The following BMAL2 variants were observed in gnomAD, a reference collection of about 807,000 sequenced individuals.
The protein encoded by BMAL2 is basic helix-loop-helix ARNT like 2, also known as basic helix-loop-helix ARNT-like protein 2.
the BMAL2 span, chr12:27,423,638 C>CT: frequency 1.3e-5 from 2 of 152,160 alleles, no homozygotes; most frequent in Non-Finnish European, 2.9e-5. Context: ...CTACTCTACA[C>CT]TTTTTTTAAC....
chr12:27,393,730 A>G, the BMAL2 span, among the ~76,000 whole-genome samples: 1 of 152,282 alleles, frequency 6.6e-6, no homozygotes, highest in African/African-American at 2.4e-5. Context: ...AGTGTGTACT[A>G]TGTGCCAGGT....
the BMAL2 span, chr12:27,389,160 A>G: frequency 6.8e-7 from 1 of 1,469,658 alleles, no homozygotes; most frequent in Non-Finnish European, 9.5e-7. Context: ...TTTTAAATGA[A>G]TGTCTACCTT....
chr12:27,403,583 T>C, the BMAL2 span: 5 of 1,262,086 alleles, frequency 4.0e-6, no homozygotes, highest in African/African-American at 1.5e-5. Flanking sequence ...AGTAAAAATA[T>C]CATATTTATA....
the BMAL2 span, among the ~76,000 whole-genome samples, chr12:27,362,941 C>T: frequency 1.6e-4 from 24 of 152,062 alleles, no homozygotes; most frequent in Non-Finnish European, 2.8e-4. Flanking sequence ...GTAGCTAAGA[C>T]TATATGTGCA....
the BMAL2 span, among the ~76,000 whole-genome samples, chr12:27,405,969 G>A: frequency 1.3e-5 from 2 of 152,316 alleles, no homozygotes; most frequent in South Asian, 2.1e-4. Context: ...TAGCCAATTC[G>A]ATCAACTGGA....
At chr12:27,415,786 A>T in the BMAL2 span, 1 of 892,582 alleles carries the variant, frequency 1.1e-6, no homozygotes, top group Non-Finnish European at 1.8e-6. Context: ...TATTTTTATT[A>T]GTAGATTATT....
chr12:27,407,272 C>T, the BMAL2 span, among the ~76,000 whole-genome samples: 14 of 152,202 alleles, frequency 9.2e-5, no homozygotes, highest in African/African-American at 3.1e-4. Context: ...CTCTCTGCCC[C>T]GAATCAACAG....
the BMAL2 span, among the ~76,000 whole-genome samples, chr12:27,333,390 G>T: frequency 5.9e-5 from 9 of 152,212 alleles, no homozygotes; most frequent in Non-Finnish European, 1.2e-4. Flanking sequence ...CGGGCCGGGC[G>T]CATTGGCGAA....
chr12:27,377,242 G>C, the BMAL2 span, among the ~76,000 whole-genome samples: 1 of 152,204 alleles, frequency 6.6e-6, no homozygotes, highest in South Asian at 2.1e-4. Flanking sequence ...GAAGTATTAA[G>C]CAGAGAGCTA....
chr12:27,390,144 A>G, the BMAL2 span: 20 of 1,613,952 alleles, frequency 1.2e-5, no homozygotes, highest in Non-Finnish European at 1.6e-5. Context: ...ACACGTGTGT[A>G]TTCTGGCTCA....
chr12:27,384,858 G>T, the BMAL2 span, among the ~76,000 whole-genome samples: 2 of 151,188 alleles, frequency 1.3e-5, no homozygotes, highest in African/African-American at 4.9e-5. Context: ...CACAGCTAAC[G>T]GGGGACTACT....
At chr12:27,372,475 A>C in the BMAL2 span, among the ~76,000 whole-genome samples, 1 of 152,156 alleles carries the variant, frequency 6.6e-6, no homozygotes. Context: ...ATTGATGTAC[A>C]AATACCCGTT....
the BMAL2 span, among the ~76,000 whole-genome samples, chr12:27,354,281 G>A: frequency 6.6e-6 from 1 of 152,278 alleles, no homozygotes; most frequent in Non-Finnish European, 1.5e-5. Flanking sequence ...CACGGATGGA[G>A]CTGGAGGTTA....
At chr12:27,364,432 T>A in the BMAL2 span, among the ~76,000 whole-genome samples, 1 of 152,210 alleles carries the variant, frequency 6.6e-6, no homozygotes, top group African/African-American at 2.4e-5. Flanking sequence ...ATTAAAAAGT[T>A]ATTTTTTTTC....
the BMAL2 span, among the ~76,000 whole-genome samples, chr12:27,416,398 G>GA: frequency 0.033 from 4,948 of 147,926 alleles, 114 homozygotes; most frequent in Non-Finnish European, 0.047. Context: ...TTGAGGTTTG[G>GA]AAAAAAAAAG....
At chr12:27,382,770 G>C in the BMAL2 span, among the ~76,000 whole-genome samples, 1 of 152,146 alleles carries the variant, frequency 6.6e-6, no homozygotes, top group Non-Finnish European at 1.5e-5. Flanking sequence ...GCATAATTAG[G>C]TTAAAGGCAG....
the BMAL2 span, chr12:27,390,334 G>A: frequency 3.1e-6 from 4 of 1,307,886 alleles, no homozygotes; most frequent in African/African-American, 1.5e-5. Flanking sequence ...TATGGTCAAG[G>A]GAAATATTTG....
chr12:27,381,377 G>A, the BMAL2 span, among the ~76,000 whole-genome samples: 22 of 152,310 alleles, frequency 1.4e-4, no homozygotes, highest in East Asian at 3.1e-3. Context: ...TCCACAGGCT[G>A]TGCAGGAAGC....
At chr12:27,360,852 G>A in the BMAL2 span, among the ~76,000 whole-genome samples, 1 of 123,450 alleles carries the variant, frequency 8.1e-6, no homozygotes, top group Non-Finnish European at 1.7e-5. Context: ...GTGGTTAGAT[G>A]GGACCACAAA....
Sources: allele counts gnomAD v4.1 joint callset (sites outside exome capture counted in the v4.1 genomes callset), GRCh38; gene constraint gnomAD v4.1.1; transcripts MANE v1.5; gene names NCBI Gene and HGNC (gene_info 2026-07-23, HGNC 2026-07-21).